GRID2: variants seen among roughly 807,000 people sequenced by gnomAD.
GRID2 encodes the protein glutamate receptor ionotropic, delta-2.
GRID2 carries 33 observed loss-of-function variants against 114.8 expected under a neutral mutation model. The observed-to-expected ratio is 0.29, with a 90% CI of 0.22 to 0.38. The LOEUF is 0.38. Ranked by LOEUF, GRID2 falls within the 10% of genes least tolerant of loss-of-function variation. The pLI is 1.00. For missense variants in GRID2, 1,184 were observed against 1,257.7 expected (o/e 0.94, Z 0.89); for synonymous variants, 505 against 449.9 (o/e 1.12, Z -1.55).
intron 2 of GRID2, among the ~76,000 whole-genome samples, chr4:92,763,558 A>G (rs1578159271): frequency 6.6e-6 from 1 of 152,238 alleles, no homozygotes; most frequent in South Asian, 2.1e-4. Flanking sequence ...TTTAAAGTGA[A>G]CAGCCATATG....
At chr4:92,701,960 T>C (rs1734694760) in intron 2 of GRID2, among the ~76,000 whole-genome samples, 1 of 152,204 alleles carries the variant, frequency 6.6e-6, no homozygotes, top group African/African-American at 2.4e-5. Flanking sequence ...ACAGAATAAG[T>C]TACCCTAGGA....
chr4:93,366,342 A>C (rs1282829174), intron 8 of GRID2, among the ~76,000 whole-genome samples: 2 of 152,046 alleles, frequency 1.3e-5, no homozygotes, highest in Non-Finnish European at 2.9e-5. Context: ...GGGCATGGTC[A>C]TCTCTTATGG....
chr4:93,005,060 T>C (rs1188643598), intron 2 of GRID2, among the ~76,000 whole-genome samples: 1 of 152,046 alleles, frequency 6.6e-6, no homozygotes, highest in Non-Finnish European at 1.5e-5. Context: ...CAGTGATTTG[T>C]AAATTTACCA....
intron 1 of GRID2, among the ~76,000 whole-genome samples, chr4:92,343,042 G>T (rs10009241): frequency 6.6e-6 from 1 of 151,964 alleles, no homozygotes; most frequent in Non-Finnish European, 1.5e-5. Context: ...ATTCCCTATA[G>T]TCCTATGGGG....
intron 4 of GRID2, among the ~76,000 whole-genome samples, chr4:93,185,355 G>C (rs569822856): frequency 1.3e-5 from 2 of 152,172 alleles, no homozygotes; most frequent in South Asian, 4.1e-4. Context: ...TTTACCCTGG[G>C]AATGTCATTG....
chr4:93,626,275 T>C lies in GRID2; in HGVS notation c.2200T>C (p.Tyr734His). The C allele has an allele frequency of 6.3e-7, 1 of 1,582,872 alleles. No individual in the cohort carries two copies. Among genetic ancestry groups the C allele is most frequent in the Non-Finnish European group, 8.6e-7 (1 of 1,158,160 alleles). Residue 734 changes from tyrosine to histidine, a missense_variant, in exon 14 of 16, where the codon TAT becomes CAT. This residue lies in a region of GRID2 where 717 missense variants were observed against 796.9 expected (regional missense o/e 0.90). Coordinates refer to ENST00000282020, the MANE Select transcript of GRID2 (RefSeq NM_001510.4). Reference protein sequence around the residue: ...ESQAGIQKVKYGNYAFVWDAA... With the variant: ...ESQAGIQKVKHGNYAFVWDAA... ...GTTCTTCATTTTTTCACAGGTAAAA[T>C]ATGGAAATTATGCTTTCGTATGGGA...
intron 2 of GRID2, among the ~76,000 whole-genome samples, chr4:92,872,507 G>A (rs1322661840): frequency 2.0e-5 from 3 of 151,670 alleles, no homozygotes; most frequent in East Asian, 3.9e-4. Flanking sequence ...ATTAAATGAT[G>A]GAAATTGAAA....
intron 14 of GRID2, among the ~76,000 whole-genome samples, chr4:93,738,086 G>A (rs537754401): frequency 1.3e-5 from 2 of 152,144 alleles, no homozygotes; most frequent in South Asian, 4.1e-4. Context: ...GAGACCTGAA[G>A]GATTAATAAA....
intron 2 of GRID2, among the ~76,000 whole-genome samples, chr4:92,882,731 G>A (rs1746114429): frequency 1.3e-5 from 2 of 152,114 alleles, no homozygotes; most frequent in Admixed American, 6.6e-5. Flanking sequence ...CAGTGCATGT[G>A]CATATAAAAG....
chr4:92,775,502 C>G (rs1233190812), intron 2 of GRID2, among the ~76,000 whole-genome samples: 1 of 152,096 alleles, frequency 6.6e-6, no homozygotes, highest in Non-Finnish European at 1.5e-5. Context: ...GCTGATATAG[C>G]AAACTAAAAA....
chr4:92,600,222 G>C (rs1729162360), intron 2 of GRID2, among the ~76,000 whole-genome samples: 1 of 151,156 alleles, frequency 6.6e-6, no homozygotes, highest in Admixed American at 6.6e-5. Flanking sequence ...TTGTATTTTT[G>C]AATGTATACT....
chr4:92,752,809 G>A (rs544629717), intron 2 of GRID2, among the ~76,000 whole-genome samples: 1 of 152,120 alleles, frequency 6.6e-6, no homozygotes. Context: ...GTAGGTAAAT[G>A]TCTGTGTCTG....
At chr4:93,151,968 A>G (rs535342357) in intron 4 of GRID2, among the ~76,000 whole-genome samples, 78 of 152,264 alleles carry the variant, frequency 5.1e-4, no homozygotes, top group African/African-American at 1.8e-3. Context: ...AGCAGTCTTC[A>G]TATAGAATGC....
chr4:92,532,524 A>G (rs1167380713), intron 1 of GRID2, among the ~76,000 whole-genome samples: 1 of 152,102 alleles, frequency 6.6e-6, no homozygotes, highest in African/African-American at 2.4e-5. Context: ...AATTAATCAG[A>G]GTCCCTTTTA....
intron 14 of GRID2, among the ~76,000 whole-genome samples, chr4:93,663,058 A>G (rs1723634981): frequency 6.6e-6 from 1 of 152,204 alleles, no homozygotes; most frequent in South Asian, 2.1e-4. Flanking sequence ...AGACACAGAT[A>G]AATGGAACAA....
chr4:93,470,937 G>A (rs1291078937), intron 11 of GRID2, among the ~76,000 whole-genome samples: 1 of 151,672 alleles, frequency 6.6e-6, no homozygotes, highest in Non-Finnish European at 1.5e-5. Context: ...CTCATTCTTA[G>A]TGATATTAAA....
chr4:92,956,503 G>C (rs1027651628), intron 2 of GRID2, among the ~76,000 whole-genome samples: 2 of 151,970 alleles, frequency 1.3e-5, no homozygotes, highest in African/African-American at 4.8e-5. Flanking sequence ...TGGCTTGATA[G>C]CTCATTTTTT....
At chr4:92,541,876 A>AT (rs529343558) in intron 1 of GRID2, among the ~76,000 whole-genome samples, 86 of 152,160 alleles carry the variant, frequency 5.7e-4, no homozygotes, top group African/African-American at 2.0e-3. Context: ...AAATATTGTG[A>AT]TTTTTTTTAA....
intron 4 of GRID2, among the ~76,000 whole-genome samples, chr4:93,116,747 G>A (rs898970977): frequency 6.7e-6 from 1 of 149,688 alleles, no homozygotes; most frequent in South Asian, 2.1e-4. Flanking sequence ...TCTGAAGGAA[G>A]AGGGTTTTTT....
Sources: allele counts gnomAD v4.1 joint callset (sites outside exome capture counted in the v4.1 genomes callset), GRCh38; gene constraint gnomAD v4.1.1; regional missense constraint gnomAD v4.1.1; transcripts MANE v1.5; gene names NCBI Gene and HGNC (gene_info 2026-07-23, HGNC 2026-07-21).